MMP26: variants seen among roughly 807,000 people sequenced by gnomAD.
The protein encoded by MMP26 is matrix metallopeptidase 26.
Under a neutral mutation model 31.0 loss-of-function variants are expected in MMP26, and 33 were observed. The observed-to-expected ratio is 1.06, with a 90% CI of 0.81 to 1.42. The LOEUF is 1.42. MMP26 is among the 40% of genes most tolerant of loss of function. The pLI is 0.00. For synonymous variants in MMP26, 122 were observed against 114.9 expected, an observed-to-expected ratio of 1.06 and a Z score of -0.40; for missense variants, 347 against 316.1, an observed-to-expected ratio of 1.10 and a Z score of -0.74.
chr11:4,822,668 G>A (rs1013278165), intron 2 of MMP26, among the ~76,000 whole-genome samples: 1 of 152,082 alleles, frequency 6.6e-6, no homozygotes, highest in African/African-American at 2.4e-5. Flanking sequence ...AATTATAAAA[G>A]TTCACATTTA....
At chr11:4,960,314 C>T (rs1022152286) in intron 2 of MMP26, among the ~76,000 whole-genome samples, 6 of 140,002 alleles carry the variant, frequency 4.3e-5, no homozygotes, top group African/African-American at 1.6e-4. Context: ...TGCCTGTGTG[C>T]TATGTGCCTG....
At chr11:4,729,278 T>C (rs930233531) in intron 1 of MMP26, among the ~76,000 whole-genome samples, 1 of 152,144 alleles carries the variant, frequency 6.6e-6, no homozygotes, top group Non-Finnish European at 1.5e-5. Context: ...TTTTTACTTA[T>C]GTGATGGAGA....
intron 2 of MMP26, among the ~76,000 whole-genome samples, chr11:4,783,224 G>A (rs71480718): frequency 0.095 from 14,441 of 152,294 alleles, 856 homozygotes; most frequent in Middle Eastern, 0.15. Context: ...TACCTTGTAA[G>A]GCCACAGGGG....
At chr11:4,899,774 C>A (rs754455396) in intron 2 of MMP26, among the ~76,000 whole-genome samples, 1 of 152,082 alleles carries the variant, frequency 6.6e-6, no homozygotes, top group African/African-American at 2.4e-5. Context: ...AGTTATTAGG[C>A]AAGAGCTTAA....
At chr11:4,896,997 C>T (rs974732496) in intron 2 of MMP26, among the ~76,000 whole-genome samples, 1 of 151,968 alleles carries the variant, frequency 6.6e-6, no homozygotes, top group Non-Finnish European at 1.5e-5. Flanking sequence ...TCCATTTTTG[C>T]TAGTAATAGT....
chr11:4,841,686 A>G (rs1408840849), intron 2 of MMP26, among the ~76,000 whole-genome samples: 1 of 152,174 alleles, frequency 6.6e-6, no homozygotes, highest in Non-Finnish European at 1.5e-5. Flanking sequence ...TAATCCCAGC[A>G]CTTTGGGAGG....
At chr11:4,805,540 C>A (rs535486265) in intron 2 of MMP26, among the ~76,000 whole-genome samples, 1 of 152,256 alleles carries the variant, frequency 6.6e-6, no homozygotes, top group South Asian at 2.1e-4. Context: ...AGTTTGCCAA[C>A]CTCTGTCCTA....
rs201482560 is a variant in MMP26, at chr11:4,863,275, TTA to T, written c.-145+95935_-145+95936del. Among the ~76,000 whole-genome samples the T allele has an allele frequency of 6.7e-3, 1,025 of 152,186 alleles. 7 individuals carry two copies. The highest frequency in any genetic ancestry group is 0.024 in the African/African-American group (987 of 41,524). ...ATCTCCATTCTTCATCTTCCTTCTT[TTA>T]ATCTTCTTTAATTTTCAGACCCTTC... is the stretch of plus-strand genomic sequence containing the variant. On this transcript the variant is annotated intron_variant, in intron 2 of 7. Coordinates refer to ENST00000380390, the MANE Select transcript of MMP26 (RefSeq NM_021801.5).
intron 2 of MMP26, among the ~76,000 whole-genome samples, chr11:4,842,650 G>A (rs1377023936): frequency 1.3e-5 from 2 of 152,040 alleles, no homozygotes; most frequent in Non-Finnish European, 2.9e-5. Flanking sequence ...ATGAGATTTG[G>A]GTGGGGACAC....
chr11:4,963,016 T>A (rs562412316), intron 2 of MMP26, among the ~76,000 whole-genome samples: 21 of 152,306 alleles, frequency 1.4e-4, no homozygotes, highest in Non-Finnish European at 2.2e-4. Context: ...GCCTAACAGA[T>A]GCTTTCCCAT....
rs756627010 is a variant in MMP26 at position 4,803,770 on chromosome 11, A to G, written c.-145+36429A>G. 1.9e-6 allele frequency: 3 copies of G among 1,613,570 alleles called. No individual in the cohort carries two copies. The East Asian group carries it at 6.7e-5, about 36-fold the overall frequency. ...AAAGCCAGCCACAGAGAAGGCCACA[A>G]AGAGCCCATTCCCACGACTTATGCT... On this transcript the variant is annotated intron_variant, in intron 2 of 7. Coordinates refer to ENST00000380390, the MANE Select transcript of MMP26 (RefSeq NM_021801.5).
intron 2 of MMP26, among the ~76,000 whole-genome samples, chr11:4,824,152 A>T (rs1849550099): frequency 1.3e-5 from 2 of 152,124 alleles, no homozygotes; most frequent in Admixed American, 6.6e-5. Flanking sequence ...ATATTCAATT[A>T]ATGGGTACTG....
At chr11:4,773,106 T>G (rs1848747113) in intron 2 of MMP26, among the ~76,000 whole-genome samples, 1 of 152,132 alleles carries the variant, frequency 6.6e-6, no homozygotes. Context: ...TATCTAGAGT[T>G]TTCACCCAAA....
rs763339599 is a variant in MMP26, at chr11:4,992,242, A to G, written c.786A>G (p.Ter262=). The G allele has an allele frequency of 1.2e-6, 2 of 1,609,830 alleles. No homozygotes were observed. The highest frequency in any genetic ancestry group is 1.7e-6 in the Non-Finnish European group (2 of 1,177,964). The change falls in exon 8 of 8, where the codon TAA becomes TAG. Residue 262 remains the stop codon, a stop_retained_variant. Coordinates refer to ENST00000380390, the MANE Select transcript of MMP26 (RefSeq NM_021801.5). ...YGEKCSSDIP[*] is the part of the protein sequence containing the mutation. ...AAAAATGTTCATCTGACATACCTTA[A>G]TGTTAGCACAGAGGACTTATTCAAC...
In MMP26 at chr11:4,988,187, G is replaced by A; in HGVS notation, c.-25G>A. 2 of 1,605,874 alleles carry A rather than the reference G, an allele frequency of 1.2e-6. No homozygotes were observed. The highest frequency in any genetic ancestry group is 1.7e-6 in the Non-Finnish European group (2 of 1,172,526). Reference sequence around the variant, plus strand: ...GCCCAAGTTGTGTACCTGAATTCAAGCAGTGGGACAAATGAGGGTTTGGCA... The same window carrying A: ...GCCCAAGTTGTGTACCTGAATTCAAACAGTGGGACAAATGAGGGTTTGGCA... On this transcript the variant is annotated 5_prime_UTR_variant, in exon 3 of 8. Transcript: ENST00000380390.
intron 2 of MMP26, chr11:4,822,284 T>C: frequency 6.4e-7 from 1 of 1,552,454 alleles, no homozygotes; most frequent in Non-Finnish European, 8.7e-7. Flanking sequence ...ATCCCTCCTG[T>C]GCTCAACCCT....
intron 1 of MMP26, among the ~76,000 whole-genome samples, chr11:4,721,247 A>T (rs1204945425): frequency 6.6e-6 from 1 of 152,210 alleles, no homozygotes; most frequent in African/African-American, 2.4e-5. Context: ...TAGGGGTTTT[A>T]TTAGGTACTC....
At chr11:4,815,077 A>G (rs1849402676) in intron 2 of MMP26, among the ~76,000 whole-genome samples, 1 of 152,196 alleles carries the variant, frequency 6.6e-6, no homozygotes, top group Admixed American at 6.5e-5. Flanking sequence ...CTTCCAGGTA[A>G]TAGGAAGATA....
At chr11:4,895,878 C>G (rs1850692059) in intron 2 of MMP26, among the ~76,000 whole-genome samples, 1 of 152,206 alleles carries the variant, frequency 6.6e-6, no homozygotes, top group African/African-American at 2.4e-5. Context: ...GATCACACCA[C>G]TGCACTCCAG....
Sources: allele counts gnomAD v4.1 joint callset (sites outside exome capture counted in the v4.1 genomes callset), GRCh38; gene constraint gnomAD v4.1.1; transcripts MANE v1.5; gene names NCBI Gene and HGNC (gene_info 2026-07-23, HGNC 2026-07-21).